The following CDH23 variants were observed in gnomAD, a reference collection of about 807,000 sequenced individuals.
CDH23 encodes the protein cadherin-23.
CDH23 carries 189 observed loss-of-function variants against 317.1 expected under a neutral mutation model. The ratio of observed to expected loss-of-function variants is 0.60; its 90% CI spans 0.53 to 0.67. The LOEUF (loss-of-function observed/expected upper bound fraction) is 0.67. Among genes scored for constraint, CDH23 ranks in the 30% least tolerant of loss-of-function variants. The probability of loss-of-function intolerance (pLI) is 0.00; values close to 1 mark genes in which losing one functional copy is unlikely to be tolerated. For synonymous variants in CDH23, 1,839 were observed against 1,876.8 expected (o/e 0.98, Z 0.52); for missense variants, 4,401 against 4,592.4 (o/e 0.96, Z 1.20).
At chr10:71,704,820 G>A in intron 24 of CDH23, 91 bp from the exon 25 acceptor site, 1 of 999,718 alleles carries the variant, frequency 1.0e-6, no homozygotes, top group Non-Finnish European at 1.6e-6. Flanking sequence ...AGCCAAGTGT[G>A]GCTTGGCAGG....
intron 6 of CDH23, among the ~76,000 whole-genome samples, chr10:71,544,878 CAGTT>C (rs1589189560): frequency 6.6e-6 from 1 of 152,146 alleles, no homozygotes; most frequent in Admixed American, 6.5e-5. Flanking sequence ...AATTTCTTGA[CAGTT>C]AGAGAGTCAT....
intron 9 of CDH23, among the ~76,000 whole-genome samples, chr10:71,607,059 A>C (rs1860571018): frequency 6.6e-6 from 1 of 152,184 alleles, no homozygotes; most frequent in African/African-American, 2.4e-5. Flanking sequence ...GTCATCAGGC[A>C]GCTAAGTAAC....
intron 6 of CDH23, among the ~76,000 whole-genome samples, chr10:71,531,063 A>C (rs1589170383): frequency 6.6e-6 from 1 of 152,258 alleles, no homozygotes; most frequent in Non-Finnish European, 1.5e-5. Context: ...TCAAGCTGGT[A>C]TAGGCTTCCC....
At chr10:71,743,716 G>A (rs950726420) in intron 38 of CDH23, among the ~76,000 whole-genome samples, 7 of 152,232 alleles carry the variant, frequency 4.6e-5, no homozygotes, top group Non-Finnish European at 7.3e-5. Flanking sequence ...CCACCCCACT[G>A]CACTTGGCTT....
At chr10:71,709,251 G>A (rs779385053) in intron 27 of CDH23, 40 bp downstream of exon 27, 1 of 1,568,808 alleles carries the variant, frequency 6.4e-7, no homozygotes, top group Non-Finnish European at 8.8e-7. Flanking sequence ...AGTGATCTGG[G>A]CAGAGTTCAC....
chr10:71,502,569 G>C (rs931479440), intron 3 of CDH23, among the ~76,000 whole-genome samples: 1 of 152,206 alleles, frequency 6.6e-6, no homozygotes, highest in Non-Finnish European at 1.5e-5. Flanking sequence ...GTGCAGAGGT[G>C]CAAACAATGA....
intron 8 of CDH23, among the ~76,000 whole-genome samples, chr10:71,577,161 C>T (rs1858268740): frequency 6.6e-6 from 1 of 152,198 alleles, no homozygotes; most frequent in African/African-American, 2.4e-5. Flanking sequence ...ATGCGTATAG[C>T]AGCTGTCTGC....
chr10:71,526,627 TA>T (rs895540485), intron 6 of CDH23, among the ~76,000 whole-genome samples: 1 of 152,010 alleles, frequency 6.6e-6, no homozygotes, highest in African/African-American at 2.4e-5. Context: ...TCACAAATGA[TA>T]AAAAATGGGG....
rs1355470698 is a variant in CDH23 at position 71,778,286 on chromosome 10, A to G, written c.5165A>G (p.His1722Arg). 6.2e-7 allele frequency: 1 copy of G among 1,613,624 alleles called. No individual in the cohort carries two copies. The highest frequency in any genetic ancestry group is 1.7e-5 in the Admixed American group (1 of 59,974). The change falls in exon 40 of 70, where the codon CAC becomes CGC. Residue 1722 changes from histidine to arginine, a missense_variant. This residue lies in a region of CDH23 where 3,068 missense variants were observed against 3,203.3 expected (regional missense o/e 0.96). Transcript: ENST00000224721. ...ACAGACCAGTGCCCCATCTTATCCC[A>G]CCGCCTCACCTCTACCACCACGGTG... ...TATDQCPILS[H>R]RLTSTTTVLV...
At chr10:71,553,591 A>G (rs1856718122) in intron 6 of CDH23, among the ~76,000 whole-genome samples, 1 of 152,194 alleles carries the variant, frequency 6.6e-6, no homozygotes, top group Admixed American at 6.5e-5. Flanking sequence ...GGGTGGGAGG[A>G]GTCCGAGGGG....
At chr10:71,636,677 A>T (rs1020009231) in intron 11 of CDH23, among the ~76,000 whole-genome samples, 2 of 152,190 alleles carry the variant, frequency 1.3e-5, no homozygotes, top group Non-Finnish European at 2.9e-5. Context: ...CCTCAGGCCC[A>T]TGGTACTCAA....
At chr10:71,402,390 C>T (rs749970453) in intron 1 of CDH23, among the ~76,000 whole-genome samples, 28 of 152,270 alleles carry the variant, frequency 1.8e-4, no homozygotes, top group Non-Finnish European at 3.8e-4. Flanking sequence ...AGTTTGCAGG[C>T]CGACAGACTT....
chr10:71,645,656 G>A, intron 12 of CDH23, 175 bp from the exon 13 acceptor site: 1 of 789,458 alleles, frequency 1.3e-6, no homozygotes, highest in South Asian at 1.4e-5. Flanking sequence ...ACATGGGTGG[G>A]TCATGGAGTC....
intron 6 of CDH23, among the ~76,000 whole-genome samples, chr10:71,511,601 A>G (rs1428477266): frequency 6.6e-6 from 1 of 152,142 alleles, no homozygotes; most frequent in Non-Finnish European, 1.5e-5. Flanking sequence ...GGCCAGAATC[A>G]GGTCCCTCCA....
At chr10:71,412,123 C>T (rs941547249) in intron 1 of CDH23, among the ~76,000 whole-genome samples, 2 of 152,138 alleles carry the variant, frequency 1.3e-5, no homozygotes, top group Admixed American at 6.5e-5. Flanking sequence ...CATCCATGTT[C>T]TAGTAGGTGT....
At chr10:71,692,703 T>C (rs1665604) in intron 20 of CDH23, among the ~76,000 whole-genome samples, 42,444 of 151,906 alleles carry the variant, frequency 0.28, 6,127 homozygotes, top group South Asian at 0.38. Flanking sequence ...CAGAGGGAAC[T>C]GTCAGGGTAG....
intron 8 of CDH23, among the ~76,000 whole-genome samples, chr10:71,572,495 G>A (rs1857883740): frequency 6.6e-6 from 1 of 152,146 alleles, no homozygotes; most frequent in Non-Finnish European, 1.5e-5. Flanking sequence ...TCTGCTGTGG[G>A]CATAACATAC....
In CDH23 at chr10:71,618,757, A is replaced by T. The variant is rs1297913516; in HGVS notation, c.1134+1364A>T. On this transcript the variant is annotated intron_variant, in intron 11 of 69. Coordinates refer to ENST00000224721, the MANE Select transcript of CDH23 (RefSeq NM_022124.6). ...CCCCCTCTGGCAGCTCCTCTCAACC[A>T]GACATGGTCCCCCCAAGGACTCAGG... Among the ~76,000 whole-genome samples the T allele has an allele frequency of 2.0e-5, 3 of 152,134 alleles. No individual in the cohort carries two copies. The South Asian group carries it at 6.2e-4, about 32-fold the overall frequency.
At chr10:71,637,457 C>T (rs949817881) in intron 11 of CDH23, among the ~76,000 whole-genome samples, 2 of 152,176 alleles carry the variant, frequency 1.3e-5, no homozygotes, top group African/African-American at 4.8e-5. Context: ...TGGCAGCTCA[C>T]CCACAGTAGC....
Sources: gnomAD v4.1 joint callset for allele counts (sites outside exome capture counted in the v4.1 genomes callset) on GRCh38, gnomAD v4.1.1 for gene constraint, gnomAD v4.1.1 regional missense constraint, MANE v1.5 for transcripts, NCBI Gene and HGNC (gene_info 2026-07-23, HGNC 2026-07-21) for gene names.